The following IFTAP variants were observed in gnomAD, a reference collection of about 807,000 sequenced individuals.
The protein encoded by IFTAP is intraflagellar transport associated protein.
A neutral mutation model predicts 19.4 loss-of-function variants in IFTAP; 19 were observed. The ratio of observed to expected loss-of-function variants is 0.98; its 90% CI spans 0.68 to 1.44. IFTAP has a LOEUF of 1.44. IFTAP is among the 40% of genes most tolerant of loss of function. The pLI, the probability that IFTAP is intolerant of heterozygous loss-of-function variation, is 0.00. For synonymous variants in IFTAP, 85 were observed against 83.5 expected, an observed-to-expected ratio of 1.02 and a Z score of -0.10; for missense variants, 240 against 253.6, an observed-to-expected ratio of 0.95 and a Z score of 0.36.
chr11:36,637,383 A>G (rs758511486), intron 4 of IFTAP, among the ~76,000 whole-genome samples: 1 of 152,214 alleles, frequency 6.6e-6, no homozygotes. Context: ...TAGAGGGATC[A>G]CATCCTCCAG....
intron 4 of IFTAP, among the ~76,000 whole-genome samples, chr11:36,641,534 C>A (rs940666889): frequency 2.6e-5 from 4 of 152,168 alleles, no homozygotes; most frequent in African/African-American, 7.2e-5. Flanking sequence ...GTTATGTAGC[C>A]AGTACTCATT....
rs1331704257 is a variant in IFTAP at position 36,610,185 on chromosome 11, C to T, written c.82C>T (p.His28Tyr). 30 of 1,610,130 alleles carry T rather than the reference C, an allele frequency of 1.9e-5. No individual in the cohort carries two copies. Among genetic ancestry groups the T allele is most frequent in the Non-Finnish European group, 2.5e-5 (29 of 1,176,726 alleles). Residue 28 changes from histidine (H) to tyrosine (Y), a missense_variant, in exon 2 of 6, where the codon CAT becomes TAT. Coordinates refer to ENST00000334307, the MANE Select transcript of IFTAP (RefSeq NM_138787.4). The stretch of plus-strand genomic sequence containing the variant: ...CGTCTTGGATAAATTCCTTAATTGT[C>T]ATGAGCAAACATATGATGAAGAATT... ...KDVLDKFLNC[H>Y]EQTYDEEFLN...
intron 5 of IFTAP, among the ~76,000 whole-genome samples, chr11:36,653,792 A>G (rs550750232): frequency 6.6e-6 from 1 of 152,280 alleles, no homozygotes; most frequent in South Asian, 2.1e-4. Context: ...TTAACATGCA[A>G]AGTCAGAACT....
chr11:36,605,570 T>C (rs1442909036), intron 1 of IFTAP, among the ~76,000 whole-genome samples: 2 of 152,190 alleles, frequency 1.3e-5, no homozygotes, highest in African/African-American at 2.4e-5. Flanking sequence ...CATTATTTGA[T>C]AGCAGAAAAC....
intron 2 of IFTAP, among the ~76,000 whole-genome samples, chr11:36,622,898 A>C (rs912798056): frequency 6.6e-6 from 1 of 152,162 alleles, no homozygotes; most frequent in Non-Finnish European, 1.5e-5. Flanking sequence ...TATTGTGTAC[A>C]TGTACGTGGT....
At chr11:36,633,778 T>C (rs1174688373) in intron 3 of IFTAP, among the ~76,000 whole-genome samples, 3 of 152,122 alleles carry the variant, frequency 2.0e-5, no homozygotes, top group Non-Finnish European at 4.4e-5. Context: ...AATGGGACTT[T>C]CTTTCACCTG....
At chr11:36,636,228 AC>A (rs1852946237) in intron 4 of IFTAP, 111 bp downstream of exon 4, 9 of 748,202 alleles carry the variant, frequency 1.2e-5, no homozygotes, top group Middle Eastern at 3.3e-4. Context: ...CTCTCCTAAG[AC>A]AGGAAGAACT....
intron 2 of IFTAP, among the ~76,000 whole-genome samples, chr11:36,615,581 G>GAC (rs1424635030): frequency 8.9e-6 from 1 of 112,140 alleles, no homozygotes; most frequent in Non-Finnish European, 1.8e-5. Context: ...TTGTTTGTAT[G>GAC]CTCTTTTATT....
intron 5 of IFTAP, among the ~76,000 whole-genome samples, chr11:36,649,152 T>C (rs1853605854): frequency 6.6e-6 from 1 of 152,172 alleles, no homozygotes; most frequent in Non-Finnish European, 1.5e-5. Context: ...CATGAGGTAC[T>C]AGTCTTGTTA....
intron 1 of IFTAP, among the ~76,000 whole-genome samples, chr11:36,597,073 T>C (rs919926713): frequency 3.3e-5 from 5 of 152,226 alleles, no homozygotes; most frequent in Non-Finnish European, 7.3e-5. Flanking sequence ...TACCTCCTCT[T>C]GTAACATGGT....
chr11:36,608,134 CATATA>C, intron 1 of IFTAP, among the ~76,000 whole-genome samples: 1 of 152,238 alleles, frequency 6.6e-6, no homozygotes, highest in East Asian at 1.9e-4. Flanking sequence ...TAAAGAATAA[CATATA>C]ATATGGTTCC....
intron 2 of IFTAP, among the ~76,000 whole-genome samples, chr11:36,620,132 G>A (rs1386903913): frequency 6.6e-6 from 1 of 151,904 alleles, no homozygotes; most frequent in Non-Finnish European, 1.5e-5. Context: ...TTTTAGTATT[G>A]CCAAAAAGAA....
intron 1 of IFTAP, among the ~76,000 whole-genome samples, chr11:36,595,968 A>G (rs139412015): frequency 1.5e-4 from 23 of 152,312 alleles, no homozygotes; most frequent in African/African-American, 4.6e-4. Flanking sequence ...TTAACAGAAG[A>G]TAGTTAATAT....
chr11:36,625,289 A>C (rs557873775), intron 2 of IFTAP, among the ~76,000 whole-genome samples: 1 of 152,242 alleles, frequency 6.6e-6, no homozygotes, highest in East Asian at 1.9e-4. Context: ...TATTACCTGA[A>C]TTATTTTAAA....
intron 2 of IFTAP, among the ~76,000 whole-genome samples, chr11:36,616,330 G>A (rs1281663160): frequency 1.3e-5 from 2 of 151,536 alleles, no homozygotes; most frequent in Non-Finnish European, 2.9e-5. Flanking sequence ...TTTTCTTTAT[G>A]CTATTCTCAT....
rs940276415 is a variant in IFTAP, at chr11:36,599,208, G to A, written c.-24+4616G>A. The stretch of plus-strand genomic sequence containing the variant: ...GGGGTTTTGCCATGTTGGCCAGGCT[G>A]GTCTCAAACTCCTGACCTTGGGTGA... On this transcript the variant is annotated intron_variant, in intron 1 of 5. Transcript: ENST00000334307. Among the ~76,000 whole-genome samples the A allele has an allele frequency of 2.0e-5, 3 of 152,160 alleles. 1 individual carries two copies.
chr11:36,635,365 T>C (rs1478716327), intron 3 of IFTAP, among the ~76,000 whole-genome samples: 10 of 152,228 alleles, frequency 6.6e-5, no homozygotes, highest in Admixed American at 6.5e-4. Flanking sequence ...ATTTTGTTAA[T>C]CTAAAATGTC....
chr11:36,634,093 A>T (rs1418457847), intron 3 of IFTAP, among the ~76,000 whole-genome samples: 1 of 152,156 alleles, frequency 6.6e-6, no homozygotes, highest in African/African-American at 2.4e-5. Flanking sequence ...ATGTTTATAT[A>T]CAGCAGATGC....
chr11:36,636,798 G>C (rs907403791), intron 4 of IFTAP, among the ~76,000 whole-genome samples: 3 of 152,098 alleles, frequency 2.0e-5, no homozygotes, highest in Non-Finnish European at 4.4e-5. Flanking sequence ...ATTGAAAAAG[G>C]CTTCATGCTA....
Sources: gnomAD v4.1 joint callset for allele counts (sites outside exome capture counted in the v4.1 genomes callset) on GRCh38, gnomAD v4.1.1 for gene constraint, MANE v1.5 for transcripts, NCBI Gene and HGNC (gene_info 2026-07-23, HGNC 2026-07-21) for gene names.